The following EPHA6 variants were observed in gnomAD, a reference collection of about 807,000 sequenced individuals.
EPHA6 encodes EPH receptor A6, also known as ephrin type-A receptor 6.
Under a neutral mutation model 112.0 loss-of-function variants are expected in EPHA6, and 50 were observed. That is an observed-to-expected ratio of 0.45 (90% CI 0.36 to 0.56). The LOEUF (loss-of-function observed/expected upper bound fraction) is 0.56, where lower values mean the gene tolerates loss of function less well. Among genes scored for constraint, EPHA6 ranks in the 20% least tolerant of loss-of-function variants. The pLI, the probability that EPHA6 is intolerant of heterozygous loss-of-function variation, is 0.00. For missense variants in EPHA6, 1,280 were observed against 1,417.4 expected (o/e 0.90, Z 1.56); for synonymous variants, 529 against 490.7 (o/e 1.08, Z -1.03).
intron 3 of EPHA6, among the ~76,000 whole-genome samples, chr3:97,168,496 A>G (rs553929291): frequency 2.5e-4 from 38 of 151,584 alleles, no homozygotes; most frequent in African/African-American, 8.9e-4. Flanking sequence ...GCACGTGTCC[A>G]TGTTCTCTTT....
intron 3 of EPHA6, among the ~76,000 whole-genome samples, chr3:97,054,738 C>A (rs1371994780): frequency 1.3e-5 from 2 of 151,788 alleles, no homozygotes; most frequent in Non-Finnish European, 2.9e-5. Flanking sequence ...AAAATGAAAT[C>A]CTTTTCTAAT....
At chr3:97,280,707 T>G (rs2080257215) in intron 5 of EPHA6, among the ~76,000 whole-genome samples, 2 of 152,246 alleles carry the variant, frequency 1.3e-5, no homozygotes, top group Admixed American at 6.5e-5. Context: ...ACTTATAGTT[T>G]CCTTATATAT....
intron 13 of EPHA6, among the ~76,000 whole-genome samples, chr3:97,626,926 C>A (rs866880116): frequency 6.6e-6 from 1 of 151,852 alleles, no homozygotes. Context: ...TCCAGATGTC[C>A]ATTTGGGAGT....
chr3:97,528,591 C>T (rs2092656034), intron 10 of EPHA6, among the ~76,000 whole-genome samples: 1 of 152,056 alleles, frequency 6.6e-6, no homozygotes, highest in African/African-American at 2.4e-5. Flanking sequence ...CTTCAATGCT[C>T]TCTAGGGTTG....
intron 3 of EPHA6, chr3:96,994,124 T>C (rs1038739057): frequency 3.7e-5 from 9 of 245,522 alleles, no homozygotes; most frequent in African/African-American, 1.3e-4. Context: ...AAGAGGGCAG[T>C]AGACTTTTAC....
Position 96,979,560 on chromosome 3 carries a change from A to T in EPHA6, c.451-7770A>T, listed in dbSNP as rs1000465409. Among the ~76,000 whole-genome samples, 9 of 152,212 alleles carry T rather than the reference A, an allele frequency of 5.9e-5. No homozygotes were observed. In the East Asian group the frequency reaches 1.2e-3, roughly 20 times the overall value. On this transcript the variant is annotated intron_variant, in intron 2 of 17. Coordinates refer to ENST00000389672, the MANE Select transcript of EPHA6 (RefSeq NM_001080448.3). Reference sequence around the variant, plus strand: ...GCATGATTTATAATCCTTTGGGTATATACCCAGTAATGGGATGGCTGGGTT... The same window carrying T: ...GCATGATTTATAATCCTTTGGGTATTTACCCAGTAATGGGATGGCTGGGTT...
chr3:96,865,957 T>C (rs1367808188), intron 1 of EPHA6, among the ~76,000 whole-genome samples: 1 of 151,918 alleles, frequency 6.6e-6, no homozygotes, highest in Non-Finnish European at 1.5e-5. Context: ...CATCTAACTT[T>C]CCCCAAGTAG....
chr3:97,558,012 G>A (rs2093137093), intron 11 of EPHA6, among the ~76,000 whole-genome samples: 1 of 151,902 alleles, frequency 6.6e-6, no homozygotes, highest in African/African-American at 2.4e-5. Context: ...TTTCTTTGTA[G>A]ACACAAGATG....
chr3:97,010,092 G>C, intron 3 of EPHA6: 3 of 1,280,040 alleles, frequency 2.3e-6, no homozygotes, highest in South Asian at 2.6e-5. Context: ...AAGCAAAAGA[G>C]TAGCATTACT....
At chr3:96,848,865 G>T (rs1452666790) in intron 1 of EPHA6, among the ~76,000 whole-genome samples, 4 of 151,986 alleles carry the variant, frequency 2.6e-5, no homozygotes, top group Non-Finnish European at 5.9e-5. Flanking sequence ...AATTTTCTGA[G>T]GTTTGTAATC....
rs116227611 is a variant in EPHA6, at chr3:97,494,834, A to G, written c.2200+10775A>G. ...ATTACCCTTCAAATAGTTAAAGAAC[A>G]ACATGTAAACCTCATAAATCTTCTT... On this transcript the variant is annotated intron_variant, in intron 10 of 17. Coordinates refer to ENST00000389672, the MANE Select transcript of EPHA6 (RefSeq NM_001080448.3). Among the ~76,000 whole-genome samples the G allele has an allele frequency of 6.4e-3, 975 of 152,328 alleles. 11 individuals carry two copies. The highest frequency in any genetic ancestry group is 0.022 in the African/African-American group (914 of 41,586).
intron 14 of EPHA6, among the ~76,000 whole-genome samples, chr3:97,666,975 T>C (rs903179540): frequency 5.9e-5 from 9 of 152,230 alleles, no homozygotes; most frequent in African/African-American, 2.2e-4. Flanking sequence ...TGCCCTATTC[T>C]AAGTAGTTTG....
chr3:97,544,366 T>A (rs2092914337), intron 11 of EPHA6, among the ~76,000 whole-genome samples: 1 of 152,180 alleles, frequency 6.6e-6, no homozygotes, highest in East Asian at 1.9e-4. Context: ...GTTTTTGTCT[T>A]TGGTTCTGTT....
At chr3:97,074,385 AG>A (rs2046452220) in intron 3 of EPHA6, among the ~76,000 whole-genome samples, 1 of 151,978 alleles carries the variant, frequency 6.6e-6, no homozygotes. Flanking sequence ...TTGTACCAGC[AG>A]TGTAGAAGAG....
rs767447771 is a variant in EPHA6, at chr3:96,987,596, T to C, written c.717T>C (p.Tyr239=). 4 of 1,613,812 alleles carry C rather than the reference T, an allele frequency of 2.5e-6. 1 individual carries two copies. Among genetic ancestry groups the C allele is most frequent in the East Asian group, 4.5e-5 (2 of 44,872 alleles). ...GAATTAAATTCAAGCCAAACCAGTA[T>C]ACAAAGATCGACACAATTGCTGCTG... ...SHGIKFKPNQ[Y]TKIDTIAADE... Residue 239 remains tyrosine, a synonymous_variant, in exon 3 of 18, where the codon TAT becomes TAC. Coordinates refer to ENST00000389672, the MANE Select transcript of EPHA6 (RefSeq NM_001080448.3).
intron 11 of EPHA6, among the ~76,000 whole-genome samples, chr3:97,538,823 G>A (rs72930165): frequency 0.14 from 20,720 of 152,080 alleles, 1,660 homozygotes; most frequent in Admixed American, 0.25. Context: ...TTTAGAGTGA[G>A]ATATGTGCAC....
At position 97,075,665 on chromosome 3, in the gene EPHA6, ATTTC is replaced by A. The variant is rs1243066127; in HGVS notation, c.1114+87673_1114+87676del. On this transcript the variant is annotated intron_variant, in intron 3 of 17. Coordinates refer to ENST00000389672, the MANE Select transcript of EPHA6 (RefSeq NM_001080448.3). ...AGTATATTAATTATAGACATATCTC[ATTTC>A]ATTGTGCTCACTTAATTGTGCTGCT... Among the ~76,000 whole-genome samples the A allele has an allele frequency of 2.0e-5, 3 of 150,902 alleles. No individual in the cohort carries two copies. In the East Asian group the frequency reaches 5.9e-4, roughly 29 times the overall value.
chr3:97,179,652 G>C (rs970664941), intron 3 of EPHA6, among the ~76,000 whole-genome samples: 1 of 151,306 alleles, frequency 6.6e-6, no homozygotes, highest in African/African-American at 2.4e-5. Flanking sequence ...ACAAGGTCCA[G>C]GAGAATTCTC....
At chr3:97,239,858 A>G (rs968165925) in intron 4 of EPHA6, among the ~76,000 whole-genome samples, 1 of 151,920 alleles carries the variant, frequency 6.6e-6, no homozygotes, top group South Asian at 2.1e-4. Context: ...TCAAGGGTCA[A>G]CTGTACATTT....
Sources: allele counts gnomAD v4.1 joint callset (sites outside exome capture counted in the v4.1 genomes callset), GRCh38; gene constraint gnomAD v4.1.1; transcripts MANE v1.5; gene names NCBI Gene and HGNC (gene_info 2026-07-23, HGNC 2026-07-21).